The following NALCN variants were observed in gnomAD, a reference collection of about 807,000 sequenced individuals.
The protein encoded by NALCN is sodium leak channel NALCN.
NALCN carries 111 observed loss-of-function variants against 225.3 expected under a neutral mutation model. The ratio of observed to expected loss-of-function variants is 0.49; its 90% CI spans 0.42 to 0.58. The LOEUF is 0.58. Among genes scored for constraint, NALCN ranks in the 20% least tolerant of loss-of-function variants. NALCN has a pLI of 0.00. For missense variants in NALCN, 1,378 were observed against 2,202.4 expected (o/e 0.63, Z 7.49); for synonymous variants, 764 against 769.0 (o/e 0.99, Z 0.11).
chr13:101,213,886 G>A (rs1313549375), intron 13 of NALCN, among the ~76,000 whole-genome samples: 1 of 152,194 alleles, frequency 6.6e-6, no homozygotes, highest in Non-Finnish European at 1.5e-5. Flanking sequence ...ACAGTGTGGC[G>A]ATTCCTCAAG....
At chr13:101,196,896 G>A (rs963336497) in intron 13 of NALCN, among the ~76,000 whole-genome samples, 5 of 152,018 alleles carry the variant, frequency 3.3e-5, no homozygotes, top group African/African-American at 9.7e-5. Flanking sequence ...TGGGGCTTTC[G>A]ACACCCCTCT....
At chr13:101,355,570 A>G (rs1475078319) in intron 6 of NALCN, among the ~76,000 whole-genome samples, 2 of 152,166 alleles carry the variant, frequency 1.3e-5, no homozygotes, top group East Asian at 1.9e-4. Context: ...AGATCCACAA[A>G]GAGACTTAGA....
rs150685200 is a variant in NALCN, at chr13:101,172,323, G to A, written c.1839+3977C>T. On this transcript the variant is annotated intron_variant, in intron 15 of 43. Coordinates refer to ENST00000251127, the MANE Select transcript of NALCN (RefSeq NM_052867.4). ...TGCTCACATTCCTAACTCTGGATTTGGCCACATTCCTGCACCTTTATCCCT... is the reference window on the plus strand; with the variant it reads ...TGCTCACATTCCTAACTCTGGATTTAGCCACATTCCTGCACCTTTATCCCT... Among the ~76,000 whole-genome samples, 480 of 152,114 alleles carry A rather than the reference G, an allele frequency of 3.2e-3. 3 individuals carry two copies. The highest frequency in any genetic ancestry group is 0.011 in the African/African-American group (460 of 41,508).
At chr13:101,307,397 C>T (rs1408235676) in intron 7 of NALCN, among the ~76,000 whole-genome samples, 1 of 152,206 alleles carries the variant, frequency 6.6e-6, no homozygotes, top group African/African-American at 2.4e-5. Flanking sequence ...CACCAACACA[C>T]TGGCAAGTCG....
At chr13:101,319,319 C>A (rs2044664622) in intron 7 of NALCN, among the ~76,000 whole-genome samples, 1 of 152,132 alleles carries the variant, frequency 6.6e-6, no homozygotes. Flanking sequence ...GTTCTTGGCC[C>A]CTTTAGTTTG....
intron 6 of NALCN, among the ~76,000 whole-genome samples, chr13:101,354,401 C>G (rs1457025947): frequency 6.6e-6 from 1 of 152,102 alleles, no homozygotes; most frequent in South Asian, 2.1e-4. Flanking sequence ...TGATCAGCTC[C>G]AAACTGAAAT....
chr13:101,399,838 A>G (rs1413370236), intron 1 of NALCN, among the ~76,000 whole-genome samples: 9 of 152,314 alleles, frequency 5.9e-5, no homozygotes, highest in Admixed American at 2.6e-4. Context: ...TGAAACATCT[A>G]CATCCTGTGA....
intron 10 of NALCN, among the ~76,000 whole-genome samples, chr13:101,271,754 G>GGT (rs199551579): frequency 1.5e-4 from 23 of 151,438 alleles, no homozygotes; most frequent in Admixed American, 3.3e-4. Flanking sequence ...GTATGCGTGA[G>GGT]GTGTGTGTGT....
At chr13:101,286,216 G>A (rs1004833097) in intron 9 of NALCN, among the ~76,000 whole-genome samples, 7 of 152,254 alleles carry the variant, frequency 4.6e-5, no homozygotes, top group Middle Eastern at 3.4e-3. Flanking sequence ...TGCGGGGAGC[G>A]TGGCAGGGAC....
rs1702449819 is a variant in NALCN, at chr13:101,054,537, T to C, written c.*758A>G. 6.6e-6 allele frequency: 1 copy of C among 152,246 alleles called. No homozygotes were observed. The highest frequency in any genetic ancestry group is 1.5e-5 in the Non-Finnish European group (1 of 68,046). The allele number at this position is 152,246 out of a possible 1,614,324, so 9.4% of individuals were successfully genotyped here. A position where few individuals can be genotyped will look rare whatever the true frequency, so the allele number is the denominator to read the frequency against. ...GTTATTAAAAGGTTTCTTAAGAAAC[T>C]TAACATCTTTGCGCAACTATGTCAC... On this transcript the variant is annotated 3_prime_UTR_variant, in exon 44 of 44. Coordinates refer to ENST00000251127, the MANE Select transcript of NALCN (RefSeq NM_052867.4).
At chr13:101,325,186 A>T in intron 7 of NALCN, among the ~76,000 whole-genome samples, 1 of 152,214 alleles carries the variant, frequency 6.6e-6, no homozygotes, top group Admixed American at 6.5e-5. Context: ...ATAAAGTAAC[A>T]AATGGGCTGA....
At chr13:101,416,811 G>A (rs1278577288), upstream of NALCN, among the ~76,000 whole-genome samples, 1 of 151,714 alleles carries the variant, frequency 6.6e-6, no homozygotes, top group Non-Finnish European at 1.5e-5. Context: ...CGGTGTGCAC[G>A]GGAGTCCGCC....
chr13:101,230,757 C>T (rs191643913), intron 12 of NALCN, among the ~76,000 whole-genome samples: 15 of 152,252 alleles, frequency 9.9e-5, no homozygotes, highest in Non-Finnish European at 1.3e-4. Flanking sequence ...GAGAAATAAA[C>T]TTCTGTCTTA....
At chr13:101,319,881 T>TA (rs1358237216) in intron 7 of NALCN, among the ~76,000 whole-genome samples, 2 of 152,194 alleles carry the variant, frequency 1.3e-5, no homozygotes, top group African/African-American at 4.8e-5. Flanking sequence ...ATTTATGAAT[T>TA]AAAAAAATAG....
intron 20 of NALCN, among the ~76,000 whole-genome samples, chr13:101,109,421 C>T (rs1014263431): frequency 6.6e-6 from 1 of 152,124 alleles, no homozygotes; most frequent in Non-Finnish European, 1.5e-5. Flanking sequence ...TAATAAAAAC[C>T]ATGTACTTGG....
At chr13:101,189,030 C>T (rs1445019306) in intron 14 of NALCN, among the ~76,000 whole-genome samples, 1 of 152,044 alleles carries the variant, frequency 6.6e-6, no homozygotes, top group Non-Finnish European at 1.5e-5. Flanking sequence ...TGTGGGAAAC[C>T]TCTGCATTTC....
chr13:101,129,379 A>C (rs967802685), intron 17 of NALCN, among the ~76,000 whole-genome samples: 1 of 152,270 alleles, frequency 6.6e-6, no homozygotes, highest in East Asian at 1.9e-4. Context: ...GTCAATTACC[A>C]TTTCTTACTG....
intron 37 of NALCN, among the ~76,000 whole-genome samples, chr13:101,069,748 C>T (rs1397044781): frequency 1.3e-5 from 2 of 152,186 alleles, no homozygotes; most frequent in Non-Finnish European, 2.9e-5. Flanking sequence ...CATTATAAAT[C>T]CTTTGTTGTC....
At chr13:101,359,079 C>A (rs180837425) in intron 6 of NALCN, among the ~76,000 whole-genome samples, 1 of 151,922 alleles carries the variant, frequency 6.6e-6, no homozygotes, top group Non-Finnish European at 1.5e-5. Flanking sequence ...CTAATGCATG[C>A]GGGGCTGAAA....
Sources: allele counts gnomAD v4.1 joint callset (sites outside exome capture counted in the v4.1 genomes callset), GRCh38; gene constraint gnomAD v4.1.1; transcripts MANE v1.5; gene names NCBI Gene and HGNC (gene_info 2026-07-23, HGNC 2026-07-21).